The following AK9 variants were observed in gnomAD, a reference collection of about 807,000 sequenced individuals.
The protein encoded by AK9 is adenylate kinase domain containing 1.
AK9 carries 191 observed loss-of-function variants against 239.6 expected under a neutral mutation model. The observed-to-expected ratio is 0.80, with a 90% CI of 0.71 to 0.90. The LOEUF is 0.90. Among genes scored for constraint, AK9 ranks in the 40% least tolerant of loss-of-function variants. The pLI is 0.00. For missense variants in AK9, 1,995 were observed against 2,214.7 expected, an observed-to-expected ratio of 0.90 and a Z score of 1.99; for synonymous variants, 689 against 721.0, an observed-to-expected ratio of 0.96 and a Z score of 0.71.
rs1395234535 is a variant in AK9 at position 109,637,461 on chromosome 6, C to T, written c.933+4057G>A. Among the ~76,000 whole-genome samples the T allele has an allele frequency of 3.3e-5, 5 of 152,244 alleles. No homozygotes were observed. The East Asian group carries it at 9.6e-4, about 29-fold the overall frequency. On this transcript the variant is annotated intron_variant, in intron 10 of 40. Transcript: ENST00000424296. ...CAAGTGATCTGCCTGCCTCAGACTC[C>T]CAAAGTACTAGGATTACAGGCATAA...
intron 12 of AK9, among the ~76,000 whole-genome samples, chr6:109,621,882 T>TA (rs1249215261): frequency 1.5e-5 from 1 of 64,776 alleles, no homozygotes; most frequent in African/African-American, 6.9e-5. Context: ...CCCTAAAACT[T>TA]AAAGTATAAT....
intron 25 of AK9, 38 bp downstream of exon 25, chr6:109,550,052 C>T: frequency 6.3e-7 from 1 of 1,591,386 alleles, no homozygotes; most frequent in Non-Finnish European, 8.6e-7. Context: ...CAAAAAAATC[C>T]TGTGGGAGCA....
At chr6:109,530,401 A>T (rs1198401302) in intron 28 of AK9, among the ~76,000 whole-genome samples, 1 of 152,240 alleles carries the variant, frequency 6.6e-6, no homozygotes, top group African/African-American at 2.4e-5. Context: ...CCCCAGAAAG[A>T]TTCTATGGCT....
intron 29 of AK9, among the ~76,000 whole-genome samples, chr6:109,518,458 G>A (rs141835136): frequency 3.2e-3 from 483 of 151,940 alleles, no homozygotes; most frequent in African/African-American, 0.011. Context: ...CACCTCTCTG[G>A]CTCCACTGAA....
intron 17 of AK9, among the ~76,000 whole-genome samples, chr6:109,609,248 C>T (rs1793287893): frequency 6.6e-6 from 1 of 152,146 alleles, no homozygotes; most frequent in Non-Finnish European, 1.5e-5. Flanking sequence ...CCAAACATGT[C>T]CCTCACTTGC....
At position 109,497,959 on chromosome 6, in the gene AK9, A is replaced by G. The variant is rs1777241022; in HGVS notation, c.5053T>C (p.Leu1685=). 6.2e-7 allele frequency: 1 copy of G among 1,613,202 alleles called. No homozygotes were observed. The highest frequency in any genetic ancestry group is 8.5e-7 in the Non-Finnish European group (1 of 1,179,248). The change falls in exon 37 of 41, where the codon TTG becomes CTG. Residue 1685 remains leucine (L), a synonymous_variant. Transcript: ENST00000424296. ...GGCACGTACAATTCTGGGTTCTCCA[A>G]GAATTTCTATTAAAAAAGAATTCCA... ...MSSQEKLNKF[L]ENPELYVPPL...
At chr6:109,519,978 G>C (rs1034074236) in intron 29 of AK9, among the ~76,000 whole-genome samples, 1 of 152,108 alleles carries the variant, frequency 6.6e-6, no homozygotes, top group Non-Finnish European at 1.5e-5. Flanking sequence ...AATTGTTTAA[G>C]TTCCTTATAG....
chr6:109,516,770 G>A, intron 29 of AK9, 128 bp from the exon 30 acceptor site: 1 of 778,238 alleles, frequency 1.3e-6, no homozygotes, highest in Non-Finnish European at 2.0e-6. Flanking sequence ...CATTCATCTA[G>A]TAACGCAATA....
At chr6:109,539,138 T>C (rs1051835444) in intron 27 of AK9, among the ~76,000 whole-genome samples, 45 of 152,294 alleles carry the variant, frequency 3.0e-4, no homozygotes, top group African/African-American at 9.9e-4. Flanking sequence ...TTTCCTGAAT[T>C]TGAATGTTGG....
chr6:109,542,521 T>A (rs1783031226), intron 26 of AK9, among the ~76,000 whole-genome samples: 1 of 152,198 alleles, frequency 6.6e-6, no homozygotes, highest in African/African-American at 2.4e-5. Flanking sequence ...ATGGATATCA[T>A]AAATACCCTG....
intron 17 of AK9, among the ~76,000 whole-genome samples, chr6:109,606,114 C>T (rs1792842070): frequency 6.6e-6 from 1 of 152,042 alleles, no homozygotes; most frequent in Non-Finnish European, 1.5e-5. Context: ...AATGGTATAA[C>T]ATTTTTATAC....
chr6:109,685,864 A>C (rs538715247), intron 1 of AK9, among the ~76,000 whole-genome samples: 1 of 152,332 alleles, frequency 6.6e-6, no homozygotes, highest in South Asian at 2.1e-4. Flanking sequence ...AAGATGTACA[A>C]TCCTGCTTAT....
chr6:109,559,244 T>C (rs1310444453), intron 24 of AK9, among the ~76,000 whole-genome samples: 2 of 151,854 alleles, frequency 1.3e-5, no homozygotes, highest in African/African-American at 2.4e-5. Flanking sequence ...CTCGGCTCAC[T>C]GCAGGCTCTG....
intron 13 of AK9, among the ~76,000 whole-genome samples, chr6:109,617,033 A>C (rs1402430852): frequency 1.3e-5 from 2 of 152,154 alleles, no homozygotes; most frequent in Admixed American, 6.5e-5. Context: ...AAAATATTAT[A>C]AAAAGATCCC....
chr6:109,577,639 T>C (rs1788266147), intron 20 of AK9, among the ~76,000 whole-genome samples: 1 of 152,138 alleles, frequency 6.6e-6, no homozygotes, highest in Admixed American at 6.6e-5. Context: ...AAATTTTAAA[T>C]TACTGTTTTC....
intron 6 of AK9, 82 bp from the exon 7 acceptor site, chr6:109,659,495 A>G (rs1475643916): frequency 2.0e-6 from 3 of 1,485,396 alleles, no homozygotes; most frequent in Non-Finnish European, 2.7e-6. Context: ...TATATTGTAC[A>G]GTACATAAAC....
chr6:109,654,839 G>A (rs1271230148), intron 8 of AK9, among the ~76,000 whole-genome samples: 1 of 152,186 alleles, frequency 6.6e-6, no homozygotes, highest in Non-Finnish European at 1.5e-5. Context: ...AGCTCAGTTT[G>A]CTCCTGCTTG....
At chr6:109,606,663 T>C (rs186504707) in intron 17 of AK9, among the ~76,000 whole-genome samples, 9 of 152,168 alleles carry the variant, frequency 5.9e-5, no homozygotes, top group African/African-American at 1.9e-4. Flanking sequence ...ATATAGCCAG[T>C]GTAACAGCTT....
chr6:109,667,819 T>C (rs1356572216), intron 5 of AK9, among the ~76,000 whole-genome samples: 1 of 152,228 alleles, frequency 6.6e-6, no homozygotes, highest in Non-Finnish European at 1.5e-5. Flanking sequence ...ACATCTGGGT[T>C]GGTTCCAAGT....
Sources: allele counts gnomAD v4.1 joint callset (sites outside exome capture counted in the v4.1 genomes callset), GRCh38; gene constraint gnomAD v4.1.1; transcripts MANE v1.5; gene names NCBI Gene and HGNC (gene_info 2026-07-23, HGNC 2026-07-21).